Variants in ZNF141 observed in about 807,000 individuals in gnomAD.
ZNF141 encodes the protein zinc finger protein 141 (clone pHZ-44).
ZNF141 carries 7 observed loss-of-function variants against 11.3 expected under a neutral mutation model. The ratio of observed to expected loss-of-function variants is 0.62; its 90% confidence interval spans 0.35 to 1.16. The LOEUF (loss-of-function observed/expected upper bound fraction) is 1.16, where lower values mean the gene tolerates loss of function less well. Ranked by LOEUF, ZNF141 falls within the 50% of genes most tolerant of loss-of-function variation. The probability of loss-of-function intolerance (pLI) is 0.02; values close to 1 mark genes in which losing one functional copy is unlikely to be tolerated. For missense variants in ZNF141, 535 were observed against 554.0 expected (o/e 0.97, Z 0.34); for synonymous variants, 183 against 190.7 (o/e 0.96, Z 0.33).
intron 3 of ZNF141, among the ~76,000 whole-genome samples, chr4:354,024 A>G (rs2108699697): frequency 6.6e-6 from 1 of 152,318 alleles, no homozygotes; most frequent in African/African-American, 2.4e-5. Flanking sequence ...CTAATAGGCT[A>G]CATAAGTGCC....
At chr4:362,119 T>C (rs950601369) in intron 3 of ZNF141, among the ~76,000 whole-genome samples, 3 of 152,266 alleles carry the variant, frequency 2.0e-5, no homozygotes, top group Non-Finnish European at 2.9e-5. Flanking sequence ...TGCATTTCTC[T>C]GATGGCCAGT....
intron 3 of ZNF141, among the ~76,000 whole-genome samples, chr4:362,661 C>CACATTTTGACACATTTG (rs1491128371): frequency 3.3e-5 from 5 of 152,132 alleles, no homozygotes; most frequent in Admixed American, 6.5e-5. Flanking sequence ...TTGTTTTTGT[C>CACATTTTGACACATTTG]ACATTTGTCA....
chr4:339,645 A>G (rs1720959066), intron 1 of ZNF141, among the ~76,000 whole-genome samples: 2 of 152,200 alleles, frequency 1.3e-5, no homozygotes, highest in Non-Finnish European at 2.9e-5. Context: ...AAACTTTTAT[A>G]TTTAAATATT....
rs1403027223 is a variant in ZNF141 at position 368,405 on chromosome 4, C to CT, written c.227-4258dup. On this transcript the variant is annotated intron_variant, in intron 3 of 3. Transcript: ENST00000240499. Reference sequence around the variant, plus strand: ...TACAGACGTGCACCACCACACCCATCTAATTTTTGTATTTTTAGTAGAGAC... The same window carrying CT: ...TACAGACGTGCACCACCACACCCATCTTAATTTTTGTATTTTTAGTAGAGAC... 3.3e-5 allele frequency among the ~76,000 whole-genome samples: 5 copies of CT among 152,170 alleles called. No homozygotes were observed. In the South Asian group the frequency reaches 6.2e-4, roughly 19 times the overall value.
intron 3 of ZNF141, among the ~76,000 whole-genome samples, chr4:346,839 G>GTA (rs1414685688): frequency 2.1e-4 from 31 of 144,236 alleles, no homozygotes; most frequent in South Asian, 6.3e-4. Context: ...GTATGTGTGT[G>GTA]TATATATATA....
chr4:350,425 T>A (rs1425186291), intron 3 of ZNF141, among the ~76,000 whole-genome samples: 5 of 152,242 alleles, frequency 3.3e-5, no homozygotes, highest in Non-Finnish European at 7.3e-5. Flanking sequence ...TCAGGATTTA[T>A]CCTTATTGTA....
chr4:375,027 A>G lies in ZNF141; in HGVS notation c.*1165A>G, dbSNP rs1256892265. ...TACTGAAGAAATCCCCTGGAAATGCAAAAAATGTGGCAGGATTTTTACCAA... is the reference window on the plus strand; with the variant it reads ...TACTGAAGAAATCCCCTGGAAATGCGAAAAATGTGGCAGGATTTTTACCAA... On this transcript the variant is annotated 3_prime_UTR_variant, in exon 4 of 4. Coordinates refer to ENST00000240499, the MANE Select transcript of ZNF141 (RefSeq NM_003441.4). 1.3e-5 allele frequency: 2 copies of G among 152,158 alleles called. No individual in the cohort carries two copies. Among genetic ancestry groups the G allele is most frequent in the African/African-American group, 4.8e-5 (2 of 41,454 alleles). 9.4% of individuals were successfully genotyped at this position (152,158 alleles called of 1,614,324 possible). A position where few individuals can be genotyped will look rare whatever the true frequency, so the allele number is the denominator to read the frequency against.
At chr4:363,426 G>A (rs1040282028) in intron 3 of ZNF141, among the ~76,000 whole-genome samples, 2 of 152,180 alleles carry the variant, frequency 1.3e-5, no homozygotes, top group African/African-American at 4.8e-5. Flanking sequence ...TAGGAGTGGT[G>A]AGAGAAGGCA....
intron 3 of ZNF141, among the ~76,000 whole-genome samples, chr4:351,773 C>T (rs1721614953): frequency 6.6e-6 from 1 of 152,116 alleles, no homozygotes; most frequent in Non-Finnish European, 1.5e-5. Context: ...TAATGTGTTG[C>T]TGGTGAACCT....
rs748282933 is a variant in ZNF141, at chr4:382,034, C to T, written c.*8172C>T. 1.3e-5 allele frequency among the ~76,000 whole-genome samples: 2 copies of T among 150,410 alleles called. No individual in the cohort carries two copies. The highest frequency in any genetic ancestry group is 2.9e-5 in the Non-Finnish European group (2 of 67,856). On this transcript the variant is annotated 3_prime_UTR_variant, in exon 4 of 4. Coordinates refer to ENST00000240499, the MANE Select transcript of ZNF141 (RefSeq NM_003441.4). ...GATCTCGGCTCACTGCAAGCTCCACCTCCCAGGTTCACGCCATTCTCCTGC... is the reference window on the plus strand; with the variant it reads ...GATCTCGGCTCACTGCAAGCTCCACTTCCCAGGTTCACGCCATTCTCCTGC...
At chr4:372,334 A>G (rs1245654982) in intron 3 of ZNF141, among the ~76,000 whole-genome samples, 3 of 152,242 alleles carry the variant, frequency 2.0e-5, no homozygotes, top group African/African-American at 7.2e-5. Flanking sequence ...CCAGGAGTTG[A>G]TACTTCACTC....
intron 3 of ZNF141, among the ~76,000 whole-genome samples, chr4:353,380 A>AAAG (rs1721694993): frequency 6.6e-6 from 1 of 151,780 alleles, no homozygotes; most frequent in African/African-American, 2.4e-5. Context: ...GTCTAAAAAA[A>AAAG]AAAAAAATCA....
chr4:341,576 C>T (rs917024278), intron 1 of ZNF141, among the ~76,000 whole-genome samples: 6 of 152,138 alleles, frequency 3.9e-5, no homozygotes, highest in African/African-American at 1.4e-4. Flanking sequence ...TTCACAAATT[C>T]TGGGAATCAA....
At chr4:369,693 A>G (rs1394587051) in intron 3 of ZNF141, among the ~76,000 whole-genome samples, 1 of 137,408 alleles carries the variant, frequency 7.3e-6, no homozygotes, top group Non-Finnish European at 1.5e-5. Flanking sequence ...TTGTGTATCT[A>G]TACCTTTGTG....
chr4:367,420 A>G (rs1711797513), intron 3 of ZNF141, among the ~76,000 whole-genome samples: 1 of 152,074 alleles, frequency 6.6e-6, no homozygotes, highest in Non-Finnish European at 1.5e-5. Flanking sequence ...TGGGAGAAAC[A>G]CTTTTGCGAC....
Position 340,134 on chromosome 4 carries a change from A to G in ZNF141, c.3+2148A>G, listed in dbSNP as rs146742076. ...TTTGGACAGTATTTTAGGATTGTAG[A>G]TGATTTTGCTGTTATATTTTCCACA... is the stretch of plus-strand genomic sequence containing the variant. On this transcript the variant is annotated intron_variant, in intron 1 of 3. Coordinates refer to ENST00000240499, the MANE Select transcript of ZNF141 (RefSeq NM_003441.4). 2.9e-4 allele frequency among the ~76,000 whole-genome samples: 44 copies of G among 152,328 alleles called. 1 individual carries two copies. Among genetic ancestry groups the G allele is most frequent in the African/African-American group, 1.0e-3 (42 of 41,576 alleles).
chr4:339,982 A>G (rs781877161), intron 1 of ZNF141, among the ~76,000 whole-genome samples: 1 of 152,234 alleles, frequency 6.6e-6, no homozygotes, highest in Non-Finnish European at 1.5e-5. Context: ...TGGTACTGTC[A>G]AGTCTTCTAC....
Position 379,665 on chromosome 4 carries a change from G to A in ZNF141, c.*5803G>A, listed in dbSNP as rs577561922. Among the ~76,000 whole-genome samples, 28 of 152,280 alleles carry A rather than the reference G, an allele frequency of 1.8e-4. No homozygotes were observed. Among genetic ancestry groups the A allele is most frequent in the Admixed American group, 9.8e-4 (15 of 15,292 alleles). ...TGGAATTACAGGCGTGAGCCACTGCGCCCAGCCTCTATGGTTATTATATTA... is the reference window on the plus strand; with the variant it reads ...TGGAATTACAGGCGTGAGCCACTGCACCCAGCCTCTATGGTTATTATATTA... On this transcript the variant is annotated 3_prime_UTR_variant, in exon 4 of 4. Transcript: ENST00000240499.
intron 3 of ZNF141, among the ~76,000 whole-genome samples, chr4:365,431 A>G (rs1711692678): frequency 6.6e-6 from 1 of 152,178 alleles, no homozygotes; most frequent in South Asian, 2.1e-4. Flanking sequence ...TCACGCTGTG[A>G]GCTGCAAACC....
Sources: allele counts gnomAD v4.1 joint callset (sites outside exome capture counted in the v4.1 genomes callset), GRCh38; gene constraint gnomAD v4.1.1; transcripts MANE v1.5; gene names NCBI Gene and HGNC (gene_info 2026-07-23, HGNC 2026-07-21).